TMEM74: variants seen among roughly 807,000 people sequenced by gnomAD.
TMEM74 encodes transmembrane protein 74.
TMEM74 carries 13 observed loss-of-function variants against 18.1 expected under a neutral mutation model. The observed-to-expected ratio is 0.72, with a 90% confidence interval of 0.47 to 1.14. The LOEUF is 1.14. TMEM74 is among the 50% of genes most tolerant of loss of function. TMEM74 has a pLI of 0.00. For missense variants in TMEM74, 372 were observed against 375.9 expected (o/e 0.99, Z 0.09); for synonymous variants, 159 against 146.6 (o/e 1.08, Z -0.61).
chr8:108,710,099 G>A (rs182803709), intron 1 of TMEM74, among the ~76,000 whole-genome samples: 1 of 152,224 alleles, frequency 6.6e-6, no homozygotes, highest in Non-Finnish European at 1.5e-5. Context: ...TTACTGAGAA[G>A]AGTTAATGAG....
intron 1 of TMEM74, among the ~76,000 whole-genome samples, chr8:108,726,341 A>G (rs983591334): frequency 1.3e-5 from 2 of 152,190 alleles, no homozygotes; most frequent in African/African-American, 2.4e-5. Context: ...TGGAAAGCAC[A>G]TGACCTCTTT....
chr8:108,739,923 G>A (rs1813783360), intron 1 of TMEM74, among the ~76,000 whole-genome samples: 1 of 152,086 alleles, frequency 6.6e-6, no homozygotes, highest in Non-Finnish European at 1.5e-5. Flanking sequence ...GGGGGCCATC[G>A]CAATCGTGGA....
chr8:108,726,813 A>T (rs567165911), intron 1 of TMEM74, among the ~76,000 whole-genome samples: 77 of 147,772 alleles, frequency 5.2e-4, no homozygotes, highest in African/African-American at 1.7e-3. Context: ...ATAAACAATT[A>T]AAAAAAAAAT....
At chr8:108,721,075 T>C (rs1421723468) in intron 1 of TMEM74, among the ~76,000 whole-genome samples, 1 of 152,204 alleles carries the variant, frequency 6.6e-6, no homozygotes, top group Admixed American at 6.5e-5. Context: ...GGCCAAGATA[T>C]AAAATTTAAA....
intron 2 of TMEM74, among the ~76,000 whole-genome samples, chr8:108,624,375 C>A (rs146443752): frequency 1.1e-3 from 161 of 152,158 alleles, no homozygotes; most frequent in African/African-American, 3.7e-3. Context: ...TAAAGGTTTT[C>A]TCACATTAAT....
At chr8:108,621,540 A>G (rs1275454240) in intron 2 of TMEM74, among the ~76,000 whole-genome samples, 1 of 152,156 alleles carries the variant, frequency 6.6e-6, no homozygotes, top group East Asian at 1.9e-4. Flanking sequence ...GCCAGGAAGT[A>G]TGAAGCAGGG....
chr8:108,639,853 G>T (rs1007461925), intron 2 of TMEM74, among the ~76,000 whole-genome samples: 25 of 152,164 alleles, frequency 1.6e-4, no homozygotes, highest in African/African-American at 6.0e-4. Context: ...ACCACTCTTA[G>T]AATTTTTAAT....
chr8:108,671,817 TTACTC>T (rs1268360905), intron 1 of TMEM74, among the ~76,000 whole-genome samples: 1 of 152,100 alleles, frequency 6.6e-6, no homozygotes, highest in Non-Finnish European at 1.5e-5. Flanking sequence ...ATTTGATAAA[TTACTC>T]TATAGATGAA....
chr8:108,654,489 GA>G (rs1186944346), intron 2 of TMEM74, among the ~76,000 whole-genome samples: 8 of 152,138 alleles, frequency 5.3e-5, no homozygotes, highest in South Asian at 2.1e-4. Context: ...TAAAGAAAGG[GA>G]AAAAACACAT....
chr8:108,648,746 T>C (rs3019404), intron 2 of TMEM74, among the ~76,000 whole-genome samples: 27,478 of 151,944 alleles, frequency 0.18, 2,555 homozygotes, highest in East Asian at 0.27. Context: ...GGCAAGGAAG[T>C]AGATTCCCCT....
intron 2 of TMEM74, among the ~76,000 whole-genome samples, chr8:108,618,272 A>G (rs576267125): frequency 2.0e-5 from 3 of 152,172 alleles, no homozygotes; most frequent in Non-Finnish European, 4.4e-5. Flanking sequence ...AGCAGTAGCA[A>G]TGGGCAAAAA....
At chr8:108,638,817 T>A (rs1812632828) in intron 2 of TMEM74, among the ~76,000 whole-genome samples, 2 of 152,134 alleles carry the variant, frequency 1.3e-5, no homozygotes, top group Admixed American at 1.3e-4. Flanking sequence ...GCATTAATAG[T>A]CCCATTTTTT....
At chr8:108,760,369 C>T (rs1052823129) in intron 1 of TMEM74, among the ~76,000 whole-genome samples, 2 of 152,002 alleles carry the variant, frequency 1.3e-5, no homozygotes, top group Non-Finnish European at 2.9e-5. Flanking sequence ...CCAAGTGCAC[C>T]AGGGTAGCAA....
At chr8:108,662,875 T>C (rs1812914004) in intron 1 of TMEM74, among the ~76,000 whole-genome samples, 1 of 152,158 alleles carries the variant, frequency 6.6e-6, no homozygotes, top group African/African-American at 2.4e-5. Context: ...CACAGTACTC[T>C]GACTCACCCT....
At chr8:108,760,964 T>C (rs921093238) in intron 1 of TMEM74, among the ~76,000 whole-genome samples, 1 of 140,792 alleles carries the variant, frequency 7.1e-6, no homozygotes, top group Non-Finnish European at 1.5e-5. Flanking sequence ...TCTTTTTAAG[T>C]GGTTTTGGAG....
intron 1 of TMEM74, among the ~76,000 whole-genome samples, chr8:108,668,126 G>A (rs1031267984): frequency 1.3e-5 from 2 of 152,044 alleles, no homozygotes; most frequent in Non-Finnish European, 2.9e-5. Context: ...CCTTTAAAAG[G>A]CAAACTACCC....
intron 1 of TMEM74, among the ~76,000 whole-genome samples, chr8:108,738,107 C>T (rs1226563501): frequency 6.6e-6 from 1 of 152,140 alleles, no homozygotes; most frequent in Non-Finnish European, 1.5e-5. Context: ...CACCAGGTTT[C>T]ATTTTCAGCC....
At chr8:108,630,919 G>A (rs1812546111) in intron 2 of TMEM74, among the ~76,000 whole-genome samples, 1 of 151,926 alleles carries the variant, frequency 6.6e-6, no homozygotes, top group Admixed American at 6.6e-5. Flanking sequence ...AGGACACAAG[G>A]CAGGAACCAG....
rs1261709781 is a variant in TMEM74, at chr8:108,767,487, A to G, written n.119+19989T>C. 3.9e-5 allele frequency among the ~76,000 whole-genome samples: 6 copies of G among 152,334 alleles called. No individual in the cohort carries two copies. In the East Asian group the frequency reaches 1.2e-3, roughly 29 times the overall value. ...GTCAATATAGGAAGGATCCATTTTG[A>G]GAACATTTCTGTAGCTTTGGTAAAA... On this transcript the variant is annotated intron_variant and non_coding_transcript_variant, in intron 1 of 3. Coordinates refer to the TMEM74 transcript ENST00000518838.
Sources: gnomAD v4.1 joint callset for allele counts (sites outside exome capture counted in the v4.1 genomes callset) on GRCh38, gnomAD v4.1.1 for gene constraint, MANE v1.5 for transcripts, NCBI Gene and HGNC (gene_info 2026-07-23, HGNC 2026-07-21) for gene names.